MYLK2: variants seen among roughly 807,000 people sequenced by gnomAD.
MYLK2 encodes myosin light chain kinase 2, skeletal/cardiac muscle.
MYLK2 carries 27 observed loss-of-function variants against 58.2 expected under a neutral mutation model. The observed-to-expected ratio is 0.46, with a 90% CI of 0.34 to 0.64. The LOEUF is 0.64. Among genes scored for constraint, MYLK2 ranks in the 30% least tolerant of loss-of-function variants. The probability of loss-of-function intolerance (pLI) is 0.01; values close to 1 mark genes in which losing one functional copy is unlikely to be tolerated. For missense variants in MYLK2, 676 were observed against 764.3 expected (o/e 0.88, Z 1.36); for synonymous variants, 310 against 296.7 (o/e 1.04, Z -0.46).
Position 31,833,710 on chromosome 20 carries a change from C to T in MYLK2, c.1711-7C>T. On this transcript the variant is annotated splice_region_variant and splice_polypyrimidine_tract_variant and intron_variant, in intron 12 of 12. Coordinates refer to ENST00000375985, the MANE Select transcript of MYLK2 (RefSeq NM_033118.4). The stretch of plus-strand genomic sequence containing the variant: ...TTGACTGGGACTCCCTCTCTTCTGC[C>T]CTCTAGAAAAACTTCATTGCTGTCA... 1 of 1,613,730 alleles carries T rather than the reference C, an allele frequency of 6.2e-7. No individual in the cohort carries two copies. The highest frequency in any genetic ancestry group is 8.5e-7 in the Non-Finnish European group (1 of 1,179,772).
At chr20:31,829,884 G>A (rs1012665594) in intron 8 of MYLK2, among the ~76,000 whole-genome samples, 1 of 152,226 alleles carries the variant, frequency 6.6e-6, no homozygotes, top group African/African-American at 2.4e-5. Context: ...TTACAGTAAC[G>A]TCATCCATGT....
intron 12 of MYLK2, among the ~76,000 whole-genome samples, chr20:31,832,704 G>T (rs1456170407): frequency 6.6e-6 from 1 of 152,068 alleles, no homozygotes; most frequent in Non-Finnish European, 1.5e-5. Flanking sequence ...TGTTGGCCAG[G>T]CTGGTCTTGA....
intron 8 of MYLK2, chr20:31,827,139 G>GAAAAAAA: frequency 1.2e-6 from 1 of 853,414 alleles, no homozygotes; most frequent in Non-Finnish European, 1.4e-6. Context: ...GAGAGGGGGG[G>GAAAAAAA]AAAAAAAAAA....
chr20:31,831,092 A>C lies in MYLK2; in HGVS notation c.1375A>C (p.Ile459Leu), dbSNP rs1407282366. Residue 459 changes from isoleucine to leucine, a missense_variant, in exon 10 of 13, where the codon ATC (isoleucine) becomes CTC (leucine). Around this residue, in one of 2 missense-constraint regions of MYLK2, gnomAD observed 370 missense variants for 467.8 expected, o/e 0.79. Transcript: ENST00000375985. ...LSPEVVNYDQ[I>L]SDKTDMWSMG... ...ACCTGAGGTGGTGAATTATGACCAA[A>C]TCTCCGATAAGACAGACATGTGGAG... 6.2e-7 allele frequency: 1 copy of C among 1,614,096 alleles called. No homozygotes were observed. The highest frequency in any genetic ancestry group is 8.5e-7 in the Non-Finnish European group (1 of 1,180,004).
At chr20:31,830,131 T>A (rs895531153) in intron 8 of MYLK2, among the ~76,000 whole-genome samples, 3 of 152,226 alleles carry the variant, frequency 2.0e-5, no homozygotes, top group Admixed American at 6.5e-5. Context: ...GAGTCACTTC[T>A]GTGTCTGAGC....
Position 31,826,660 on chromosome 20 carries a change from T to A in MYLK2, c.1028T>A (p.Ile343Asn). The part of the protein sequence containing the change: ...VMNQLNHRNL[I>N]QLYAAIETPH... ...AACCAGCTGAACCACCGCAATCTGA[T>A]CCAGCTGTATGCAGCCATCGAGACT... Residue 343 changes from isoleucine to asparagine, a missense_variant, in exon 7 of 13, where the codon ATC (isoleucine) becomes AAC (asparagine). Coordinates refer to ENST00000375985, the MANE Select transcript of MYLK2 (RefSeq NM_033118.4). 6.2e-7 allele frequency: 1 copy of A among 1,614,036 alleles called. No homozygotes were observed. Among genetic ancestry groups the A allele is most frequent in the Non-Finnish European group, 8.5e-7 (1 of 1,180,004 alleles).
At chr20:31,823,935 C>T in intron 5 of MYLK2, 4 of 985,396 alleles carry the variant, frequency 4.1e-6, no homozygotes, top group Non-Finnish European at 4.8e-6. Flanking sequence ...CCTCCCTCTG[C>T]CTGAAGGTGC....
At chr20:31,827,014 C>A in intron 8 of MYLK2, 76 bp downstream of exon 8, 1 of 1,598,220 alleles carries the variant, frequency 6.3e-7, no homozygotes, top group Non-Finnish European at 8.5e-7. Context: ...CACCAGCCAT[C>A]CCTCTGCCCT....
intron 3 of MYLK2, 64 bp downstream of exon 3, chr20:31,820,610 A>G (rs2062248100): frequency 6.4e-7 from 1 of 1,572,608 alleles, no homozygotes; most frequent in African/African-American, 1.3e-5. Context: ...GTCCTGCTTA[A>G]TTCCCTTGTC....
intron 8 of MYLK2, among the ~76,000 whole-genome samples, chr20:31,829,916 C>T (rs1432671594): frequency 6.6e-6 from 1 of 152,232 alleles, no homozygotes; most frequent in African/African-American, 2.4e-5. Flanking sequence ...TGAGCCCCTA[C>T]TGGGTGCCTT....
In MYLK2 at chr20:31,832,026, T is replaced by C; in HGVS notation, c.1600T>C (p.Cys534Arg). 1 of 1,608,672 alleles carries C rather than the reference T, an allele frequency of 6.2e-7. No homozygotes were observed. Among genetic ancestry groups the C allele is most frequent in the Non-Finnish European group, 8.5e-7 (1 of 1,177,384 alleles). ...CAGGGCCCGGATGAACGCTGCCCAGTGTCTCGCCCATCCCTGGCTCAACAA... is the reference window on the plus strand; with the variant it reads ...CAGGGCCCGGATGAACGCTGCCCAGCGTCTCGCCCATCCCTGGCTCAACAA... The part of the protein sequence containing the change: ...DQRARMNAAQ[C>R]LAHPWLNNLA... The change falls in exon 12 of 13, where the codon TGT becomes CGT. Residue 534 changes from cysteine to arginine, a missense_variant. Cys to Arg is a radical substitution (Grantham distance 180). This residue lies in a region of MYLK2 where 370 missense variants were observed against 467.8 expected (regional missense o/e 0.79). Transcript: ENST00000375985.
chr20:31,827,168 A>T (rs2062285252), intron 8 of MYLK2: 1 of 984,968 alleles, frequency 1.0e-6, no homozygotes, highest in Non-Finnish European at 1.2e-6. Flanking sequence ...ACCAGCTTTC[A>T]TGGAACTTCT....
chr20:31,832,870 C>T (rs925210280), intron 12 of MYLK2, among the ~76,000 whole-genome samples: 10 of 152,082 alleles, frequency 6.6e-5, no homozygotes, highest in African/African-American at 1.2e-4. Flanking sequence ...GGCCTTCTGC[C>T]GGGGAGAGGT....
intron 8 of MYLK2, among the ~76,000 whole-genome samples, chr20:31,827,814 C>T (rs897088069): frequency 8.7e-5 from 13 of 149,828 alleles, no homozygotes; most frequent in African/African-American, 2.5e-4. Flanking sequence ...CCACTGTTCC[C>T]GGCCTGATAT....
Position 31,821,725 on chromosome 20 carries a change from T to C in MYLK2, c.760T>C (p.Phe254Leu), listed in dbSNP as rs1408977040. 1 of 1,601,422 alleles carries C rather than the reference T, an allele frequency of 6.2e-7. No individual in the cohort carries two copies. Among genetic ancestry groups the C allele is most frequent in the Non-Finnish European group, 8.5e-7 (1 of 1,171,620 alleles). The change falls in exon 4 of 13, where the codon TTC becomes CTC. Residue 254 changes from phenylalanine (F) to leucine (L), a missense_variant. This residue lies in a region of MYLK2 where 370 missense variants were observed against 467.8 expected (regional missense o/e 0.79). Transcript: ENST00000375985. ...LCLTAREEDC[F>L]QILDDCPPPP... ...TCTCACAGCCAGGGAGGAGGACTGC[T>C]TCCAGATTTTGGGTAGGCCAGGGGC...
chr20:31,820,822 T>C (rs1380860039), intron 3 of MYLK2, among the ~76,000 whole-genome samples: 1 of 152,180 alleles, frequency 6.6e-6, no homozygotes, highest in African/African-American at 2.4e-5. Flanking sequence ...GGTCCGAAGT[T>C]CCCCTTACTC....
In MYLK2 at chr20:31,831,149, C is replaced by T. The variant is rs2062304481; in HGVS notation, c.1424+8C>T. ...GGTGATCACCTACATGCTGTGAGCT[C>T]CCAGGCGGGTCGTGTTTATGGGGTT... On this transcript the variant is annotated splice_region_variant and intron_variant, in intron 10 of 12. Coordinates refer to ENST00000375985, the MANE Select transcript of MYLK2 (RefSeq NM_033118.4). 6.2e-7 allele frequency: 1 copy of T among 1,613,982 alleles called. No homozygotes were observed. The highest frequency in any genetic ancestry group is 8.5e-7 in the Non-Finnish European group (1 of 1,179,966).
Position 31,821,533 on chromosome 20 carries a change from C to A in MYLK2, c.568C>A (p.Pro190Thr). 1 of 1,614,034 alleles carries A rather than the reference C, an allele frequency of 6.2e-7. No individual in the cohort carries two copies. ...PMTHSPTDPR[P>T]AKAEEGKNIL... ...GACCCACAGCCCCACGGATCCCAGGCCAGCCAAGGCAGAAGAAGGAAAGAA... is the reference window on the plus strand; with the variant it reads ...GACCCACAGCCCCACGGATCCCAGGACAGCCAAGGCAGAAGAAGGAAAGAA... Residue 190 changes from proline to threonine, a missense_variant, in exon 4 of 13, where the codon CCA becomes ACA. This residue lies in a region of MYLK2 where 306 missense variants were observed against 296.5 expected (regional missense o/e 1.03). Coordinates refer to ENST00000375985, the MANE Select transcript of MYLK2 (RefSeq NM_033118.4).
chr20:31,831,709 C>A lies in MYLK2; in HGVS notation c.1431C>A (p.Ser477Arg). 1 of 1,614,050 alleles carries A rather than the reference C, an allele frequency of 6.2e-7. No individual in the cohort carries two copies. The highest frequency in any genetic ancestry group is 8.5e-7 in the Non-Finnish European group (1 of 1,179,980). Residue 477 changes from serine to arginine, a missense_variant, in exon 11 of 13, where the codon AGC becomes AGA. By Grantham distance (110) the Ser-to-Arg change is moderately radical. This residue lies in a region of MYLK2 where 370 missense variants were observed against 467.8 expected (regional missense o/e 0.79). Transcript: ENST00000375985. Reference sequence around the variant, plus strand: ...TGCTATCCCCTCCCTCTAGGCTGAGCGGCCTCTCCCCCTTCCTGGGAGATG... The same window carrying A: ...TGCTATCCCCTCCCTCTAGGCTGAGAGGCCTCTCCCCCTTCCTGGGAGATG... The part of the protein sequence containing the change: ...SMGVITYMLL[S>R]GLSPFLGDDD...
Sources: allele counts gnomAD v4.1 joint callset (sites outside exome capture counted in the v4.1 genomes callset), GRCh38; gene constraint gnomAD v4.1.1; regional missense constraint gnomAD v4.1.1; transcripts MANE v1.5; gene names NCBI Gene and HGNC (gene_info 2026-07-23, HGNC 2026-07-21).